The following NAV3 variants were observed in gnomAD, a reference collection of about 807,000 sequenced individuals.
NAV3 encodes the protein pore membrane and/or filament interacting like protein 1.
A neutral mutation model predicts 244.7 loss-of-function variants in NAV3; 87 were observed. The ratio of observed to expected loss-of-function variants is 0.36; its 90% CI spans 0.30 to 0.42. The LOEUF (loss-of-function observed/expected upper bound fraction) is 0.42. Ranked by LOEUF, NAV3 falls within the 20% of genes least tolerant of loss-of-function variation. The probability of loss-of-function intolerance (pLI) is 1.00; values close to 1 mark genes in which losing one functional copy is unlikely to be tolerated. For missense variants in NAV3, 2,663 were observed against 2,893.3 expected (o/e 0.92, Z 1.83); for synonymous variants, 1,126 against 1,042.2 (o/e 1.08, Z -1.55).
At chr12:77,683,033 G>T (rs1874542214) in intron 2 of NAV3, among the ~76,000 whole-genome samples, 1 of 151,958 alleles carries the variant, frequency 6.6e-6, no homozygotes, top group African/African-American at 2.4e-5. Flanking sequence ...TCCCATTTGT[G>T]TAATTTTGCT....
At chr12:77,578,567 T>C (rs1231321523) in intron 2 of NAV3, among the ~76,000 whole-genome samples, 1 of 152,228 alleles carries the variant, frequency 6.6e-6, no homozygotes, top group Non-Finnish European at 1.5e-5. Context: ...CTGGTATTCA[T>C]ATTTGTTTCA....
chr12:78,074,930 C>A (rs531964538), intron 12 of NAV3, among the ~76,000 whole-genome samples: 67 of 152,200 alleles, frequency 4.4e-4, no homozygotes, highest in African/African-American at 1.6e-3. Flanking sequence ...TCTATCTTAG[C>A]AAAAGACTAG....
At chr12:77,978,808 C>A (rs913875930) in intron 5 of NAV3, among the ~76,000 whole-genome samples, 1 of 151,564 alleles carries the variant, frequency 6.6e-6, no homozygotes, top group Admixed American at 6.6e-5. Flanking sequence ...TCCCAAATGC[C>A]CCTGTCTTTC....
At position 78,080,145 on chromosome 12, in the gene NAV3, G is replaced by T. The variant is rs147636898; in HGVS notation, c.2636+21030G>T. The stretch of plus-strand genomic sequence containing the variant: ...TAGACAAAAATAATTTGGGGACAGG[G>T]TATAGTTTACACTGTTTCTAACTTA... On this transcript the variant is annotated intron_variant, in intron 12 of 39. Transcript: ENST00000397909. 6.6e-5 allele frequency among the ~76,000 whole-genome samples: 10 copies of T among 152,258 alleles called. 1 individual carries two copies. Among genetic ancestry groups the T allele is most frequent in the African/African-American group, 2.4e-4 (10 of 41,548 alleles).
At chr12:77,603,930 G>C (rs529401698) in intron 2 of NAV3, among the ~76,000 whole-genome samples, 2 of 152,054 alleles carry the variant, frequency 1.3e-5, no homozygotes, top group Non-Finnish European at 2.9e-5. Flanking sequence ...AGAAGCAAAG[G>C]GTATAAGTAA....
At chr12:77,842,759 T>G (rs1875908144) in intron 1 of NAV3, among the ~76,000 whole-genome samples, 1 of 152,088 alleles carries the variant, frequency 6.6e-6, no homozygotes, top group Non-Finnish European at 1.5e-5. Context: ...CAGACCATGA[T>G]AAGCACATAT....
intron 2 of NAV3, among the ~76,000 whole-genome samples, chr12:77,796,584 T>C (rs1380070431): frequency 3.3e-5 from 5 of 152,224 alleles, no homozygotes; most frequent in Non-Finnish European, 5.9e-5. Context: ...AGTTCTACTG[T>C]AGATAAAATG....
At chr12:77,819,550 G>A (rs1872651171) in intron 2 of NAV3, among the ~76,000 whole-genome samples, 1 of 151,840 alleles carries the variant, frequency 6.6e-6, no homozygotes, top group South Asian at 2.1e-4. Flanking sequence ...GCCAAATTTA[G>A]TTGTCCATTT....
rs555064249 is a variant in NAV3 at position 78,198,995 on chromosome 12, A to G, written c.6518+319A>G. ...TGTTCACTATGTCCCTGGTTAAAGT[A>G]GAGCATATTCCTTCTAAGTGTGAGA... On this transcript the variant is annotated intron_variant, in intron 36 of 39. Transcript: ENST00000397909. 4.4e-4 allele frequency: 207 copies of G among 474,898 alleles called. 3 individuals are homozygous for G. Among genetic ancestry groups the G allele is most frequent in the South Asian group, 4.4e-3 (206 of 47,348 alleles). The allele number at this position is 474,898 out of a possible 1,614,324, so 29.4% of individuals were successfully genotyped here.
At chr12:77,594,087 C>T (rs775005748) in intron 2 of NAV3, among the ~76,000 whole-genome samples, 9 of 152,130 alleles carry the variant, frequency 5.9e-5, no homozygotes, top group Non-Finnish European at 1.2e-4. Context: ...TCTAAGTCCT[C>T]ATGCTTCTTG....
intron 36 of NAV3, among the ~76,000 whole-genome samples, chr12:78,198,918 CAAAAA>C (rs71088371): frequency 1.0e-5 from 1 of 99,516 alleles, no homozygotes; most frequent in Non-Finnish European, 1.8e-5. Context: ...TAAACAAAAA[CAAAAA>C]AAAAAAAAAA....
chr12:78,067,459 T>C (rs1440247246), intron 12 of NAV3, among the ~76,000 whole-genome samples: 3 of 152,070 alleles, frequency 2.0e-5, no homozygotes, highest in Admixed American at 1.3e-4. Context: ...CTGCTCATGA[T>C]TGCAAGAATA....
At chr12:77,663,402 G>GA (rs918725680) in intron 2 of NAV3, among the ~76,000 whole-genome samples, 1 of 150,986 alleles carries the variant, frequency 6.6e-6, no homozygotes, top group Non-Finnish European at 1.5e-5. Flanking sequence ...AGGACACAAA[G>GA]AAAAAAATAT....
chr12:77,863,433 A>G (rs1035600610), intron 1 of NAV3, among the ~76,000 whole-genome samples: 1 of 151,848 alleles, frequency 6.6e-6, no homozygotes, highest in Non-Finnish European at 1.5e-5. Context: ...TCACTATTTG[A>G]TGGACAAATT....
chr12:78,160,402 T>TGC (rs1555184796), intron 23 of NAV3, among the ~76,000 whole-genome samples: 2,211 of 90,498 alleles, frequency 0.024, 43 homozygotes, highest in African/African-American at 0.075. Flanking sequence ...TGTGTGTGCG[T>TGC]GCGTGTGTGT....
intron 3 of NAV3, among the ~76,000 whole-genome samples, chr12:77,951,362 G>A (rs946127183): frequency 1.2e-4 from 18 of 151,988 alleles, no homozygotes; most frequent in African/African-American, 4.1e-4. Context: ...AACCAAAACC[G>A]CAATGAGATA....
At chr12:78,097,504 T>G (rs557490241) in intron 12 of NAV3, among the ~76,000 whole-genome samples, 1 of 152,194 alleles carries the variant, frequency 6.6e-6, no homozygotes, top group Non-Finnish European at 1.5e-5. Flanking sequence ...TCTAGAGATA[T>G]TCACTTACTG....
intron 2 of NAV3, among the ~76,000 whole-genome samples, chr12:77,636,395 G>T (rs558718392): frequency 6.6e-6 from 1 of 151,410 alleles, no homozygotes; most frequent in East Asian, 2.0e-4. Flanking sequence ...CTACCTGGAG[G>T]CAGAGGTTGC....
intron 2 of NAV3, among the ~76,000 whole-genome samples, chr12:77,804,907 C>T (rs1400714639): frequency 6.6e-6 from 1 of 152,006 alleles, no homozygotes; most frequent in Non-Finnish European, 1.5e-5. Context: ...AAGTTATATT[C>T]CTAGGTATTT....
Sources: gnomAD v4.1 joint callset for allele counts (sites outside exome capture counted in the v4.1 genomes callset) on GRCh38, gnomAD v4.1.1 for gene constraint, MANE v1.5 for transcripts, NCBI Gene and HGNC (gene_info 2026-07-23, HGNC 2026-07-21) for gene names.